ADAMTS9: variants seen among roughly 807,000 people sequenced by gnomAD.
The protein encoded by ADAMTS9 is A disintegrin and metalloproteinase with thrombospondin motifs 9.
Under a neutral mutation model 257.1 loss-of-function variants are expected in ADAMTS9, and 107 were observed. The observed-to-expected ratio is 0.42, with a 90% CI of 0.36 to 0.49. The LOEUF is 0.49. Among genes scored for constraint, ADAMTS9 ranks in the 20% least tolerant of loss-of-function variants. The probability of loss-of-function intolerance (pLI) is 0.03; values close to 1 mark genes in which losing one functional copy is unlikely to be tolerated. For synonymous variants in ADAMTS9, 982 were observed against 880.9 expected, an observed-to-expected ratio of 1.11 and a Z score of -2.03; for missense variants, 2,353 against 2,469.1, an observed-to-expected ratio of 0.95 and a Z score of 1.00.
At chr3:64,622,719 T>C in intron 16 of ADAMTS9, 133 bp from the exon 17 acceptor site, 1 of 911,374 alleles carries the variant, frequency 1.1e-6, no homozygotes, top group Non-Finnish European at 1.6e-6. Context: ...CAGGCATGGC[T>C]TCAAGTCCCA....
At chr3:64,642,869 C>T (rs962922917) in intron 11 of ADAMTS9, among the ~76,000 whole-genome samples, 5 of 151,818 alleles carry the variant, frequency 3.3e-5, no homozygotes, top group Admixed American at 6.6e-5. Context: ...AGGGGAGAGG[C>T]AGAGAGGTCT....
rs560543780 is a variant in ADAMTS9 at position 64,629,736 on chromosome 3, T to C, written c.2389+1719A>G. ...GTCCAAGAAGACACAAATTTTTTTT[T>C]ATCTGTTTTGTTCATTGTGCCTAGA... On this transcript the variant is annotated intron_variant, in intron 16 of 39. Coordinates refer to ENST00000498707, the MANE Select transcript of ADAMTS9 (RefSeq NM_182920.2). Among the ~76,000 whole-genome samples, 3 of 152,372 alleles carry C rather than the reference T, an allele frequency of 2.0e-5. No homozygotes were observed. In the South Asian group the frequency reaches 6.2e-4, roughly 32 times the overall value.
At position 64,616,050 on chromosome 3, in the gene ADAMTS9, A is replaced by T. The variant is rs748144359; in HGVS notation, c.2934T>A (p.Gly978=). The T allele has an allele frequency of 1.2e-6, 2 of 1,613,798 alleles. No homozygotes were observed. The highest frequency in any genetic ancestry group is 4.5e-5 in the East Asian group (2 of 44,874). Residue 978 remains glycine, a synonymous_variant, in exon 20 of 40, where the codon GGT becomes GGA. Transcript: ENST00000498707. ...LDGKTEKVDD[G]FCSSHPKPSN... is the part of the protein sequence containing the mutation. ...TTGGTTTGGGATGGCTGCTGCAAAAACCATCATCAACCTTCTCAGTCTTCC... is the reference window on the plus strand; with the variant it reads ...TTGGTTTGGGATGGCTGCTGCAAAATCCATCATCAACCTTCTCAGTCTTCC...
intron 3 of ADAMTS9, among the ~76,000 whole-genome samples, chr3:64,667,276 T>C (rs899797189): frequency 5.3e-5 from 8 of 152,230 alleles, no homozygotes; most frequent in African/African-American, 1.9e-4. Flanking sequence ...CATCTGGAAC[T>C]TTCTCCATGC....
rs554996914 is a variant in ADAMTS9 at position 64,585,893 on chromosome 3, C to T, written c.4356+8365G>A. 6.6e-5 allele frequency among the ~76,000 whole-genome samples: 10 copies of T among 152,168 alleles called. No homozygotes were observed. In the South Asian group the frequency reaches 1.7e-3, roughly 25 times the overall value. On this transcript the variant is annotated intron_variant, in intron 28 of 39. Transcript: ENST00000498707. ...TGATTTTCTTTGCTTATCCCCTAAG[C>T]AAAACTTGTAAATGGCTCAATTAGC...
intron 6 of ADAMTS9, 28 bp downstream of exon 6, chr3:64,655,548 A>G: frequency 6.4e-7 from 1 of 1,557,364 alleles, no homozygotes. Flanking sequence ...TGAGACTGAA[A>G]GATCTGAGGA....
chr3:64,634,731 G>T (rs1700450964), intron 12 of ADAMTS9, among the ~76,000 whole-genome samples: 1 of 152,174 alleles, frequency 6.6e-6, no homozygotes, highest in Middle Eastern at 3.2e-3. Context: ...GGCTGAAACA[G>T]CTCGGGTTTC....
chr3:64,593,632 CA>C (rs1039797091), intron 28 of ADAMTS9, among the ~76,000 whole-genome samples: 2 of 152,070 alleles, frequency 1.3e-5, no homozygotes, highest in African/African-American at 4.8e-5. Flanking sequence ...AGGACCAAAG[CA>C]AAAAATGGTC....
chr3:64,658,316 C>T (rs932074273), intron 4 of ADAMTS9, among the ~76,000 whole-genome samples, 186 bp downstream of exon 4: 2 of 152,158 alleles, frequency 1.3e-5, no homozygotes, highest in African/African-American at 2.4e-5. Flanking sequence ...ATAAACACTC[C>T]GTATTGATAA....
intron 29 of ADAMTS9, chr3:64,562,993 C>T (rs2083454050): frequency 6.6e-6 from 1 of 152,188 alleles, no homozygotes; most frequent in African/African-American, 2.4e-5. Context: ...ACCATATGTT[C>T]ACATCAAAGC....
chr3:64,561,707 G>T lies in ADAMTS9; in HGVS notation c.4569C>A (p.Gly1523=). The change falls in exon 30 of 40, where the codon GGC becomes GGA. Residue 1523 remains glycine (G), a synonymous_variant. Coordinates refer to ENST00000498707, the MANE Select transcript of ADAMTS9 (RefSeq NM_182920.2). The part of the protein sequence containing the change: ...CGRGVQQRHV[G]CQIGTHKIAR... Reference sequence around the variant, plus strand: ...CTATTTTGTGTGTTCCGATCTGACAGCCCACATGCCTCTGCTGTACGCCTC... The same window carrying T: ...CTATTTTGTGTGTTCCGATCTGACATCCCACATGCCTCTGCTGTACGCCTC... The T allele has an allele frequency of 1.3e-6, 2 of 1,585,682 alleles. No homozygotes were observed. Among genetic ancestry groups the T allele is most frequent in the South Asian group, 2.2e-5 (2 of 90,792 alleles).
intron 28 of ADAMTS9, among the ~76,000 whole-genome samples, chr3:64,577,062 A>T (rs2083870986): frequency 6.6e-6 from 1 of 152,228 alleles, no homozygotes; most frequent in South Asian, 2.1e-4. Context: ...GCAGTATATG[A>T]AATCAGTTAT....
At chr3:64,581,350 T>C (rs1219537315) in intron 28 of ADAMTS9, among the ~76,000 whole-genome samples, 1 of 152,132 alleles carries the variant, frequency 6.6e-6, no homozygotes, top group Non-Finnish European at 1.5e-5. Context: ...AATTTTTCTT[T>C]TTAAAAAAAT....
Position 64,517,416 on chromosome 3 carries a change from GTTTT to G in ADAMTS9, c.*6-299_*6-296del, listed in dbSNP as rs755480110. Among the ~76,000 whole-genome samples the G allele has an allele frequency of 3.4e-4, 18 of 52,668 alleles. 1 individual carries two copies. In the South Asian group the frequency reaches 6.2e-3, roughly 18 times the overall value. The allele number at this position is 52,668 out of a possible 152,430, so 34.6% of individuals were successfully genotyped here. A position where few individuals can be genotyped will look rare whatever the true frequency, so the allele number is the denominator to read the frequency against. ...CATCAAGCCCAGCTAATTAAAAATG[GTTTT>G]TTTTTTTTTTTTTTTTTTTGCAGAA... On this transcript the variant is annotated intron_variant, in intron 39 of 39. Coordinates refer to ENST00000498707, the MANE Select transcript of ADAMTS9 (RefSeq NM_182920.2).
intron 30 of ADAMTS9, chr3:64,561,362 C>A: frequency 5.8e-6 from 2 of 342,816 alleles, no homozygotes; most frequent in Non-Finnish European, 5.1e-6. Context: ...TTGGAACACT[C>A]AGGAATACAG....
chr3:64,605,102 T>C (rs988712538), intron 23 of ADAMTS9, among the ~76,000 whole-genome samples: 5 of 152,208 alleles, frequency 3.3e-5, no homozygotes, highest in Non-Finnish European at 7.3e-5. Context: ...AGAAAATCTA[T>C]GTGTGGAATG....
intron 3 of ADAMTS9, among the ~76,000 whole-genome samples, chr3:64,675,612 C>T (rs1701606151): frequency 6.6e-6 from 1 of 152,092 alleles, no homozygotes. Context: ...GAGTGAGATT[C>T]TGTCTCAAAA....
At chr3:64,541,735 C>T (rs2083125192) in intron 33 of ADAMTS9, 103 bp downstream of exon 33, 2 of 1,568,924 alleles carry the variant, frequency 1.3e-6, no homozygotes, top group Non-Finnish European at 8.7e-7. Context: ...GAATGATTTC[C>T]TTCAGAAAAA....
intron 32 of ADAMTS9, among the ~76,000 whole-genome samples, chr3:64,545,790 A>T (rs2106920821): frequency 6.6e-6 from 1 of 152,274 alleles, no homozygotes; most frequent in East Asian, 1.9e-4. Flanking sequence ...TAGAGACAGG[A>T]TGTCACCATG....
Sources: allele counts gnomAD v4.1 joint callset (sites outside exome capture counted in the v4.1 genomes callset), GRCh38; gene constraint gnomAD v4.1.1; transcripts MANE v1.5; gene names NCBI Gene and HGNC (gene_info 2026-07-23, HGNC 2026-07-21).